ANKS1B: variants seen among roughly 807,000 people sequenced by gnomAD.
ANKS1B encodes ankyrin repeat and sterile alpha motif domain containing 1B, also known as ankyrin repeat and sterile alpha motif domain-containing protein 1B.
ANKS1B carries 36 observed loss-of-function variants against 148.3 expected under a neutral mutation model. The observed-to-expected ratio is 0.24, with a 90% CI of 0.19 to 0.32. The LOEUF is 0.32. ANKS1B is among the 10% of genes least tolerant of loss of function. The pLI is 1.00. For synonymous variants in ANKS1B, 542 were observed against 560.8 expected (o/e 0.97, Z 0.47); for missense variants, 1,157 against 1,542.6 (o/e 0.75, Z 4.19).
chr12:99,046,629 C>G (rs1030123214), intron 17 of ANKS1B, among the ~76,000 whole-genome samples: 4 of 151,820 alleles, frequency 2.6e-5, no homozygotes, highest in East Asian at 1.9e-4. Flanking sequence ...GAAACCCCGT[C>G]TCTACTAAAA....
At chr12:99,093,088 T>A (rs536227523) in intron 15 of ANKS1B, among the ~76,000 whole-genome samples, 1 of 152,182 alleles carries the variant, frequency 6.6e-6, no homozygotes, top group Non-Finnish European at 1.5e-5. Context: ...TTCCGGTCCA[T>A]AGATATGTAA....
intron 15 of ANKS1B, among the ~76,000 whole-genome samples, chr12:99,119,576 T>TG (rs1416193818): frequency 1.2e-4 from 19 of 152,170 alleles, no homozygotes; most frequent in Non-Finnish European, 4.4e-5. Context: ...CTTTGTTCTG[T>TG]GGGGGCTGCT....
intron 15 of ANKS1B, among the ~76,000 whole-genome samples, chr12:99,128,051 T>C (rs1457266702): frequency 6.6e-6 from 1 of 152,216 alleles, no homozygotes; most frequent in Non-Finnish European, 1.5e-5. Flanking sequence ...TTTAACTTCT[T>C]TGAATCAATT....
intron 1 of ANKS1B, among the ~76,000 whole-genome samples, chr12:99,930,022 C>A (rs960488270): frequency 6.6e-6 from 1 of 152,030 alleles, no homozygotes; most frequent in Non-Finnish European, 1.5e-5. Context: ...TAGTTTTTTC[C>A]AATTCTGTGA....
At chr12:98,985,513 TAG>T (rs1279148532) in intron 17 of ANKS1B, among the ~76,000 whole-genome samples, 1 of 152,032 alleles carries the variant, frequency 6.6e-6, no homozygotes, top group Non-Finnish European at 1.5e-5. Flanking sequence ...ATTGGATTAT[TAG>T]TTACACATTT....
At position 99,928,294 on chromosome 12, in the gene ANKS1B, C is replaced by T. The variant is rs556564295; in HGVS notation, c.134+55810G>A. ...TTATTTTTTTTTTTTTTTTTTGAGACGGAGTCTCGCTCTGTCGCCCAGGCC... is the reference window on the plus strand; with the variant it reads ...TTATTTTTTTTTTTTTTTTTTGAGATGGAGTCTCGCTCTGTCGCCCAGGCC... On this transcript the variant is annotated intron_variant, in intron 1 of 26. Coordinates refer to ENST00000683438, the MANE Select transcript of ANKS1B (RefSeq NM_001352186.2). 3.9e-3 allele frequency among the ~76,000 whole-genome samples: 534 copies of T among 136,596 alleles called. 1 individual carries two copies. Among genetic ancestry groups the T allele is most frequent in the Non-Finnish European group, 6.8e-3 (425 of 62,602 alleles). The allele number at this position is 136,596 out of a possible 152,430, so 89.6% of individuals were successfully genotyped here.
At chr12:99,154,745 A>G in intron 14 of ANKS1B, 1 of 1,440,356 alleles carries the variant, frequency 6.9e-7, no homozygotes, top group Non-Finnish European at 9.1e-7. Context: ...TGATTGTTGG[A>G]GTACTCCACA....
intron 9 of ANKS1B, among the ~76,000 whole-genome samples, chr12:99,550,980 A>G (rs1335851203): frequency 6.6e-6 from 1 of 152,094 alleles, no homozygotes; most frequent in Admixed American, 6.6e-5. Flanking sequence ...AATTTGGATG[A>G]CCCCTCTGTC....
At chr12:99,349,951 G>A (rs889743411) in intron 12 of ANKS1B, among the ~76,000 whole-genome samples, 3 of 151,956 alleles carry the variant, frequency 2.0e-5, no homozygotes, top group African/African-American at 4.8e-5. Flanking sequence ...CACATTTTAT[G>A]TTATGTATAT....
intron 8 of ANKS1B, among the ~76,000 whole-genome samples, chr12:99,668,473 C>G (rs2098520416): frequency 1.3e-5 from 2 of 151,206 alleles, no homozygotes; most frequent in Admixed American, 6.6e-5. Flanking sequence ...TCTCCTTTTC[C>G]TATATAAGAA....
At chr12:99,725,563 C>T (rs2058534634) in intron 8 of ANKS1B, among the ~76,000 whole-genome samples, 1 of 152,070 alleles carries the variant, frequency 6.6e-6, no homozygotes, top group African/African-American at 2.4e-5. Flanking sequence ...AAAGGGACTT[C>T]TAACACCCTA....
At chr12:98,922,343 C>T (rs2099802515) in intron 17 of ANKS1B, among the ~76,000 whole-genome samples, 1 of 152,126 alleles carries the variant, frequency 6.6e-6, no homozygotes, top group South Asian at 2.1e-4. Flanking sequence ...TTGATCCCTG[C>T]TTCATAAGTG....
intron 12 of ANKS1B, among the ~76,000 whole-genome samples, chr12:99,300,089 CA>C (rs2081404166): frequency 6.6e-6 from 1 of 152,110 alleles, no homozygotes; most frequent in Non-Finnish European, 1.5e-5. Context: ...ATGCCACTGC[CA>C]GCTGATTACT....
At chr12:99,184,219 A>C (rs1023320919) in intron 14 of ANKS1B, among the ~76,000 whole-genome samples, 2 of 152,210 alleles carry the variant, frequency 1.3e-5, no homozygotes, top group Non-Finnish European at 2.9e-5. Flanking sequence ...CAGAGTTCTA[A>C]AGGTACTTTC....
At chr12:99,344,581 C>T (rs1011289672) in intron 12 of ANKS1B, among the ~76,000 whole-genome samples, 1 of 151,738 alleles carries the variant, frequency 6.6e-6, no homozygotes, top group African/African-American at 2.4e-5. Flanking sequence ...TTAGTTAAAC[C>T]CTAGATATCA....
intron 17 of ANKS1B, among the ~76,000 whole-genome samples, chr12:98,866,141 G>A (rs1227911257): frequency 2.0e-5 from 3 of 152,064 alleles, no homozygotes; most frequent in Non-Finnish European, 4.4e-5. Flanking sequence ...AGACACAAAC[G>A]TTCATATCTA....
chr12:99,872,428 A>G (rs957018292), intron 1 of ANKS1B, among the ~76,000 whole-genome samples: 4 of 152,050 alleles, frequency 2.6e-5, no homozygotes, highest in African/African-American at 7.2e-5. Context: ...CAATTTTTTT[A>G]ATCAGGGGAA....
chr12:99,902,858 C>T (rs36093591), intron 1 of ANKS1B, among the ~76,000 whole-genome samples: 26,414 of 151,322 alleles, frequency 0.17, 2,922 homozygotes, highest in Non-Finnish European at 0.25. Context: ...TAAAGCAATT[C>T]TCCTGTCTCA....
rs977246688 is a variant in ANKS1B, at chr12:98,855,001, T to C, written c.2779-22865A>G. On this transcript the variant is annotated intron_variant, in intron 17 of 26. Coordinates refer to ENST00000683438, the MANE Select transcript of ANKS1B (RefSeq NM_001352186.2). ...GGTGAAACCCCGTCTCTACTAAAAA[T>C]ACAAAAAATTAGCCGGGCGCGGTGG... Among the ~76,000 whole-genome samples, 3 of 150,842 alleles carry C rather than the reference T, an allele frequency of 2.0e-5. No individual in the cohort carries two copies. The East Asian group carries it at 5.8e-4, about 29-fold the overall frequency.
Sources: allele counts gnomAD v4.1 joint callset (sites outside exome capture counted in the v4.1 genomes callset), GRCh38; gene constraint gnomAD v4.1.1; transcripts MANE v1.5; gene names NCBI Gene and HGNC (gene_info 2026-07-23, HGNC 2026-07-21).